PBX1: variants seen among roughly 807,000 people sequenced by gnomAD.
PBX1 encodes the protein PBX homeobox 1, also known as pre-B-cell leukemia transcription factor 1.
In PBX1, 6 loss-of-function variants were observed where a neutral mutation model predicts 53.4. The ratio of observed to expected loss-of-function variants is 0.11; its 90% CI spans 0.06 to 0.22. The LOEUF is 0.22. PBX1 is among the 10% of genes least tolerant of loss of function. PBX1 has a pLI of 1.00. For synonymous variants in PBX1, 204 were observed against 212.3 expected (o/e 0.96, Z 0.34); for missense variants, 251 against 551.4 (o/e 0.46, Z 5.46).
chr1:164,822,076 A>C (rs950961374), intron 8 of PBX1, among the ~76,000 whole-genome samples: 10 of 152,148 alleles, frequency 6.6e-5, no homozygotes, highest in African/African-American at 2.4e-4. Flanking sequence ...AAGAAAATTA[A>C]CACAGAAGCT....
chr1:164,841,798 G>C, intron 8 of PBX1, among the ~76,000 whole-genome samples: 1 of 152,154 alleles, frequency 6.6e-6, no homozygotes, highest in South Asian at 2.1e-4. Flanking sequence ...GGATGCATCC[G>C]TGTCTCTGTT....
intron 2 of PBX1, among the ~76,000 whole-genome samples, chr1:164,660,366 G>A (rs1190329983): frequency 6.6e-6 from 1 of 152,188 alleles, no homozygotes; most frequent in African/African-American, 2.4e-5. Context: ...AAAAGCACCT[G>A]CCAGGGAGCT....
At chr1:164,647,273 G>T (rs1156843697) in intron 2 of PBX1, among the ~76,000 whole-genome samples, 1 of 152,178 alleles carries the variant, frequency 6.6e-6, no homozygotes, top group East Asian at 1.9e-4. Context: ...TTGAACAGGG[G>T]CCGTTGGAGG....
At chr1:164,854,253 T>C (rs1042346509), downstream of PBX1, 2 of 152,092 alleles carry the variant, frequency 1.3e-5, no homozygotes, top group African/African-American at 4.8e-5. Context: ...TGCAGTCGTG[T>C]TTGCAACTAA....
intron 2 of PBX1, among the ~76,000 whole-genome samples, chr1:164,757,806 CTT>C (rs2102213078): frequency 3.3e-5 from 1 of 29,926 alleles, no homozygotes; most frequent in African/African-American, 5.5e-5. Flanking sequence ...CCCAGTAAAA[CTT>C]TTTATCAACC....
In PBX1 at chr1:164,866,867, T is replaced by A. The variant is rs145365669; in HGVS notation, n.258-32321T>A. Reference sequence around the variant, plus strand: ...GGACCTTGAAAGTCCCCTGGCCCATTTCTCCTCTTTCTAAGCTGGACACAA... The same window carrying A: ...GGACCTTGAAAGTCCCCTGGCCCATATCTCCTCTTTCTAAGCTGGACACAA... On this transcript the variant is annotated intron_variant and non_coding_transcript_variant, in intron 2 of 2. Transcript: ENST00000558796. 7.4e-3 allele frequency among the ~76,000 whole-genome samples: 1,128 copies of A among 152,262 alleles called. 10 individuals are homozygous for A. Among genetic ancestry groups the A allele is most frequent in the African/African-American group, 0.026 (1,090 of 41,558 alleles).
intron 2 of PBX1, among the ~76,000 whole-genome samples, chr1:164,884,345 C>T (rs547621196): frequency 1.3e-3 from 201 of 152,252 alleles, no homozygotes; most frequent in Non-Finnish European, 2.3e-3. Flanking sequence ...TTTCCTGAAT[C>T]ATCTAGGTCC....
chr1:164,575,705 TC>T (rs1341198380), intron 2 of PBX1, among the ~76,000 whole-genome samples: 1 of 152,138 alleles, frequency 6.6e-6, no homozygotes, highest in Non-Finnish European at 1.5e-5. Context: ...AGACGTTAAT[TC>T]CTTTCTGTAG....
chr1:164,823,942 G>A (rs1670293506), intron 8 of PBX1, among the ~76,000 whole-genome samples: 1 of 152,096 alleles, frequency 6.6e-6, no homozygotes, highest in East Asian at 1.9e-4. Flanking sequence ...ATTTTTAGAT[G>A]GTGGTATTCG....
intron 2 of PBX1, among the ~76,000 whole-genome samples, chr1:164,722,994 A>C (rs1042523156): frequency 6.6e-6 from 1 of 152,180 alleles, no homozygotes; most frequent in Non-Finnish European, 1.5e-5. Flanking sequence ...GTTTGCAGAA[A>C]TGGTGAACTT....
chr1:164,837,136 G>T (rs528550278), intron 8 of PBX1, among the ~76,000 whole-genome samples: 1 of 152,248 alleles, frequency 6.6e-6, no homozygotes, highest in Non-Finnish European at 1.5e-5. Context: ...ACGAGGGCAG[G>T]TTCACACATA....
chr1:164,652,329 A>T (rs1225296000), intron 2 of PBX1, among the ~76,000 whole-genome samples: 1 of 152,218 alleles, frequency 6.6e-6, no homozygotes, highest in Non-Finnish European at 1.5e-5. Flanking sequence ...GTACTCTAGC[A>T]GATTTTCCTC....
intron 2 of PBX1, among the ~76,000 whole-genome samples, chr1:164,751,414 C>A (rs1666208506): frequency 6.6e-6 from 1 of 151,900 alleles, no homozygotes; most frequent in Admixed American, 6.6e-5. Context: ...AATATTGTCA[C>A]AGACTGAATG....
At chr1:164,762,081 G>A in intron 2 of PBX1, among the ~76,000 whole-genome samples, 1 of 152,176 alleles carries the variant, frequency 6.6e-6, no homozygotes, top group East Asian at 1.9e-4. Context: ...GCTTTGCAGT[G>A]TGACACCTGT....
At chr1:164,717,155 G>A (rs1664147969) in intron 2 of PBX1, among the ~76,000 whole-genome samples, 1 of 152,158 alleles carries the variant, frequency 6.6e-6, no homozygotes, top group Non-Finnish European at 1.5e-5. Context: ...AAGTGATACT[G>A]GTTAGTAGTG....
intron 2 of PBX1, among the ~76,000 whole-genome samples, chr1:164,613,055 C>T (rs1368153100): frequency 6.6e-6 from 1 of 151,944 alleles, no homozygotes; most frequent in East Asian, 1.9e-4. Flanking sequence ...TGAACAACAA[C>T]AACAAAAAAA....
In PBX1 at chr1:164,627,534, G is replaced by A. The variant is rs539859725; in HGVS notation, c.265+64223G>A. ...CATTTGAGAATGGACCCGCAGCATC[G>A]TGAACAGGAAAGCTAGAATATCAGT... On this transcript the variant is annotated intron_variant, in intron 2 of 8. Coordinates refer to ENST00000420696, the MANE Select transcript of PBX1 (RefSeq NM_002585.4). Among the ~76,000 whole-genome samples, 7 of 152,268 alleles carry A rather than the reference G, an allele frequency of 4.6e-5. No individual in the cohort carries two copies. In the South Asian group the frequency reaches 1.5e-3, roughly 32 times the overall value.
intron 2 of PBX1, among the ~76,000 whole-genome samples, chr1:164,702,568 C>T (rs1663185033): frequency 6.6e-6 from 1 of 152,136 alleles, no homozygotes; most frequent in African/African-American, 2.4e-5. Flanking sequence ...TAAGAATCAC[C>T]CTACCCCCAT....
At chr1:164,754,728 G>C (rs982880465) in intron 2 of PBX1, among the ~76,000 whole-genome samples, 2 of 152,166 alleles carry the variant, frequency 1.3e-5, no homozygotes, top group African/African-American at 4.8e-5. Context: ...GGATAATACA[G>C]ATCAGTTTAT....
Sources: gnomAD v4.1 joint callset for allele counts (sites outside exome capture counted in the v4.1 genomes callset) on GRCh38, gnomAD v4.1.1 for gene constraint, MANE v1.5 for transcripts, NCBI Gene and HGNC (gene_info 2026-07-23, HGNC 2026-07-21) for gene names.